SPSB1: variants seen among roughly 807,000 people sequenced by gnomAD.
SPSB1 encodes SPRY domain-containing SOCS box protein 1.
In SPSB1, 8 loss-of-function variants were observed where a neutral mutation model predicts 21.2. The observed-to-expected ratio is 0.38, with a 90% CI of 0.22 to 0.68. SPSB1 has a LOEUF of 0.68. SPSB1 is among the 30% of genes least tolerant of loss of function. The probability of loss-of-function intolerance (pLI) is 0.53; values close to 1 mark genes in which losing one functional copy is unlikely to be tolerated. For missense variants in SPSB1, 242 were observed against 377.8 expected (o/e 0.64, Z 2.98); for synonymous variants, 169 against 161.7 (o/e 1.05, Z -0.34).
rs780087291 is a variant in SPSB1 at position 9,317,670 on chromosome 1, G to T, written c.-150+24599G>T. 2.6e-5 allele frequency among the ~76,000 whole-genome samples: 4 copies of T among 152,088 alleles called. No homozygotes were observed. The highest frequency in any genetic ancestry group is 7.2e-5 in the African/African-American group (3 of 41,406). The stretch of plus-strand genomic sequence containing the variant: ...TTTTGTATTTTGTATTTTTTGTAGA[G>T]TTGGGGTTTCACCCTATTGCCAGGC... On this transcript the variant is annotated intron_variant, in intron 1 of 2. Coordinates refer to ENST00000328089, the MANE Select transcript of SPSB1 (RefSeq NM_025106.4). This position sits in a 1 kb window ranked among gnomAD's most constrained non-coding sequence, Gnocchi z 4.3.
At chr1:9,304,497 G>T (rs1295473222) in intron 1 of SPSB1, among the ~76,000 whole-genome samples, 1 of 152,210 alleles carries the variant, frequency 6.6e-6, no homozygotes. Flanking sequence ...GAGCTGGAAG[G>T]CCAGGGAGAT....
At chr1:9,359,144 C>T (rs756154231) in intron 2 of SPSB1, among the ~76,000 whole-genome samples, 5 of 152,222 alleles carry the variant, frequency 3.3e-5, no homozygotes, top group Non-Finnish European at 7.3e-5. Flanking sequence ...GCTTTTTCCT[C>T]TCCACCAGCA....
intron 1 of SPSB1, among the ~76,000 whole-genome samples, chr1:9,311,315 G>A (rs1242791351): frequency 6.6e-6 from 1 of 152,104 alleles, no homozygotes; most frequent in African/African-American, 2.4e-5. Context: ...ACCCATGACT[G>A]GGGTTTCTTT....
At chr1:9,318,933 T>C (rs1429393439) in intron 1 of SPSB1, among the ~76,000 whole-genome samples, 1 of 152,172 alleles carries the variant, frequency 6.6e-6, no homozygotes, top group African/African-American at 2.4e-5. Context: ...CTCACACCTG[T>C]AATCCCAGTA....
chr1:9,347,943 C>CTT lies in SPSB1; in HGVS notation c.-149-7781_-149-7780dup, dbSNP rs57731582. ...CACCTTCTTTGCAGTTTCCCTGCAACTTTTTTTTTTTTTTTTTTTTAAACA... is the reference window on the plus strand; with the variant it reads ...CACCTTCTTTGCAGTTTCCCTGCAACTTTTTTTTTTTTTTTTTTTTTTAAACA... On this transcript the variant is annotated intron_variant, in intron 1 of 2. Coordinates refer to ENST00000328089, the MANE Select transcript of SPSB1 (RefSeq NM_025106.4). 3.6e-3 allele frequency among the ~76,000 whole-genome samples: 478 copies of CTT among 132,406 alleles called. 2 individuals are homozygous for CTT. The highest frequency in any genetic ancestry group is 0.011 in the African/African-American group (396 of 36,050). 86.9% of individuals were successfully genotyped at this position (132,406 alleles called of 152,430 possible).
chr1:9,339,932 C>T (rs1441771803), intron 1 of SPSB1, among the ~76,000 whole-genome samples: 2 of 152,150 alleles, frequency 1.3e-5, no homozygotes, highest in Non-Finnish European at 2.9e-5. Context: ...GATGGGAGCC[C>T]CTCCACCTTT....
intron 1 of SPSB1, among the ~76,000 whole-genome samples, chr1:9,338,814 C>T (rs1021398875): frequency 2.0e-5 from 3 of 152,138 alleles, no homozygotes; most frequent in Non-Finnish European, 2.9e-5. Context: ...TTCCTGGGGG[C>T]GCTCCCGCCT....
At chr1:9,352,611 G>T (rs966825646) in intron 1 of SPSB1, among the ~76,000 whole-genome samples, 2 of 152,068 alleles carry the variant, frequency 1.3e-5, no homozygotes, top group African/African-American at 4.8e-5. Context: ...TGTGTGTTCA[G>T]TTCTGGGTTT....
chr1:9,357,431 C>A (rs1640391280), intron 2 of SPSB1, among the ~76,000 whole-genome samples: 2 of 152,168 alleles, frequency 1.3e-5, no homozygotes, highest in South Asian at 4.1e-4. Flanking sequence ...AGGTTTGATC[C>A]TCAGTTGACC....
intron 1 of SPSB1, among the ~76,000 whole-genome samples, chr1:9,320,303 G>A (rs958132777): frequency 2.6e-5 from 4 of 152,184 alleles, no homozygotes; most frequent in African/African-American, 7.2e-5. Context: ...TTGCCTCTTG[G>A]GCCGGGACTG....
chr1:9,356,736 G>A lies in SPSB1; in HGVS notation c.694+151G>A, dbSNP rs1188680314. 7 of 1,310,182 alleles carry A rather than the reference G, an allele frequency of 5.3e-6. No homozygotes were observed. In the South Asian group the frequency reaches 6.7e-5, roughly 12 times the overall value. The allele number at this position is 1,310,182 out of a possible 1,614,324, so 81.2% of individuals were successfully genotyped here. On this transcript the variant is annotated intron_variant, in intron 2 of 2. Coordinates refer to ENST00000328089, the MANE Select transcript of SPSB1 (RefSeq NM_025106.4). The surrounding 1 kb of genome is among the most constrained non-coding windows in gnomAD (Gnocchi z 7.4). ...GACCCTCAGAGGCAACTTTTGCATCGGGTTAAGTGAGGAATTCTACCCAGA... is the reference window on the plus strand; with the variant it reads ...GACCCTCAGAGGCAACTTTTGCATCAGGTTAAGTGAGGAATTCTACCCAGA...
rs1315803005 is a variant in SPSB1 at position 9,348,127 on chromosome 1, T to G, written c.-149-7616T>G. Among the ~76,000 whole-genome samples, 2 of 151,864 alleles carry G rather than the reference T, an allele frequency of 1.3e-5. No individual in the cohort carries two copies. The highest frequency in any genetic ancestry group is 2.9e-5 in the Non-Finnish European group (2 of 67,952). On this transcript the variant is annotated intron_variant, in intron 1 of 2. Coordinates refer to ENST00000328089, the MANE Select transcript of SPSB1 (RefSeq NM_025106.4). This position sits in a 1 kb window ranked among gnomAD's most constrained non-coding sequence, Gnocchi z 4.8. Reference sequence around the variant, plus strand: ...GCCCAGCTTATTTTTGTATTTTTAGTAGAGATGGGGTTTCACTATGTTGGC... The same window carrying G: ...GCCCAGCTTATTTTTGTATTTTTAGGAGAGATGGGGTTTCACTATGTTGGC...
chr1:9,298,808 C>T (rs905427148), intron 1 of SPSB1, among the ~76,000 whole-genome samples: 5 of 152,156 alleles, frequency 3.3e-5, no homozygotes, highest in African/African-American at 9.7e-5. Flanking sequence ...GTTCCAGATT[C>T]AAAGTTGACA....
At chr1:9,311,342 C>G (rs1639516953) in intron 1 of SPSB1, among the ~76,000 whole-genome samples, 1 of 152,014 alleles carries the variant, frequency 6.6e-6, no homozygotes, top group African/African-American at 2.4e-5. Context: ...CCTGATGGGT[C>G]TCGGCGTGGC....
In SPSB1 at chr1:9,363,861, C is replaced by T. The variant is rs1383794564; in HGVS notation, c.695-3587C>T. Among the ~76,000 whole-genome samples the T allele has an allele frequency of 6.6e-6, 1 of 152,150 alleles. No homozygotes were observed. Among genetic ancestry groups the T allele is most frequent in the Non-Finnish European group, 1.5e-5 (1 of 68,028 alleles). ...GACTACAGGCATGCACGACCACACC[C>T]AGCTAATTTTTGTATTTTTAATAGA... On this transcript the variant is annotated intron_variant, in intron 2 of 2. Coordinates refer to ENST00000328089, the MANE Select transcript of SPSB1 (RefSeq NM_025106.4). This position sits in a 1 kb window ranked among gnomAD's most constrained non-coding sequence, Gnocchi z 4.5.
At chr1:9,314,681 C>T (rs78536435) in intron 1 of SPSB1, among the ~76,000 whole-genome samples, 1,733 of 152,316 alleles carry the variant, frequency 0.011, 32 homozygotes, top group African/African-American at 0.039. Flanking sequence ...TGTTTTTCTC[C>T]GGGAAGAATC....
At chr1:9,342,250 T>G (rs1325856586) in intron 1 of SPSB1, among the ~76,000 whole-genome samples, 1 of 152,176 alleles carries the variant, frequency 6.6e-6, no homozygotes, top group East Asian at 1.9e-4. Context: ...ATGAGACACC[T>G]GGGCTGTGCC....
chr1:9,342,851 A>G (rs1569630648), intron 1 of SPSB1, among the ~76,000 whole-genome samples: 1 of 152,322 alleles, frequency 6.6e-6, no homozygotes, highest in African/African-American at 2.4e-5. Flanking sequence ...GACTGCAGCA[A>G]TTCTGCTCTC....
intron 1 of SPSB1, among the ~76,000 whole-genome samples, chr1:9,352,251 G>A (rs924860079): frequency 2.6e-5 from 4 of 152,314 alleles, no homozygotes; most frequent in Admixed American, 2.6e-4. Context: ...GATGTCCCAC[G>A]TCAAGGTGAA....
Sources: gnomAD v4.1 joint callset for allele counts (sites outside exome capture counted in the v4.1 genomes callset) on GRCh38, gnomAD v4.1.1 for gene constraint, Gnocchi (gnomAD v3.1) non-coding constraint, MANE v1.5 for transcripts, NCBI Gene and HGNC (gene_info 2026-07-23, HGNC 2026-07-21) for gene names.